Variants in SLC23A2 observed in about 807,000 individuals in gnomAD.
SLC23A2 encodes the protein solute carrier family 23 member 2.
Under a neutral mutation model 73.3 loss-of-function variants are expected in SLC23A2, and 36 were observed. That is an observed-to-expected ratio of 0.49 (90% CI 0.38 to 0.65). SLC23A2 has a LOEUF of 0.65. Ranked by LOEUF, SLC23A2 falls within the 30% of genes least tolerant of loss-of-function variation. The probability of loss-of-function intolerance (pLI) is 0.00; values close to 1 mark genes in which losing one functional copy is unlikely to be tolerated. For missense variants in SLC23A2, 507 were observed against 841.6 expected (o/e 0.60, Z 4.92); for synonymous variants, 343 against 327.3 (o/e 1.05, Z -0.52).
chr20:4,928,111 C>T (rs995381293), intron 3 of SLC23A2, among the ~76,000 whole-genome samples: 1 of 152,208 alleles, frequency 6.6e-6, no homozygotes, highest in African/African-American at 2.4e-5. Context: ...CAACTGCTAA[C>T]TCACTGCAGC....
intron 2 of SLC23A2, among the ~76,000 whole-genome samples, chr20:4,961,310 CT>C (rs1166066253): frequency 5.3e-5 from 8 of 151,958 alleles, no homozygotes; most frequent in South Asian, 2.1e-4. Flanking sequence ...CTCGATCTCC[CT>C]GACCTCATGA....
chr20:4,989,188 G>C (rs1475352555), intron 1 of SLC23A2, among the ~76,000 whole-genome samples: 1 of 149,342 alleles, frequency 6.7e-6, no homozygotes, highest in South Asian at 2.1e-4. Context: ...GCAATGAGCC[G>C]AGATCGCTGC....
At chr20:4,983,647 A>T (rs1233023113) in intron 1 of SLC23A2, among the ~76,000 whole-genome samples, 5 of 87,406 alleles carry the variant, frequency 5.7e-5, no homozygotes, top group Non-Finnish European at 1.2e-4. Flanking sequence ...CTCCGTCTTT[A>T]AAAAAAAAAA....
intron 1 of SLC23A2, among the ~76,000 whole-genome samples, chr20:4,994,312 C>T (rs2087980912): frequency 6.6e-6 from 1 of 152,076 alleles, no homozygotes; most frequent in Admixed American, 6.6e-5. Flanking sequence ...TGCACATTTT[C>T]GGGGTCCACC....
At chr20:4,958,600 G>C (rs1174889686) in intron 2 of SLC23A2, among the ~76,000 whole-genome samples, 1 of 151,104 alleles carries the variant, frequency 6.6e-6, no homozygotes, top group African/African-American at 2.4e-5. Flanking sequence ...GCTAATTTTT[G>C]TATTTTTGGT....
intron 3 of SLC23A2, among the ~76,000 whole-genome samples, chr20:4,925,057 T>A (rs892696358): frequency 2.6e-5 from 4 of 152,076 alleles, no homozygotes; most frequent in African/African-American, 9.7e-5. Flanking sequence ...CAGTGGCATG[T>A]GCCATATTTC....
chr20:4,982,884 T>C (rs1600200892), intron 1 of SLC23A2, among the ~76,000 whole-genome samples: 1 of 152,042 alleles, frequency 6.6e-6, no homozygotes, highest in Non-Finnish European at 1.5e-5. Flanking sequence ...GGCAGGCAGA[T>C]CACCTGAGGT....
Position 4,855,280 on chromosome 20 carries a change from G to A in SLC23A2, c.*1692C>T, listed in dbSNP as rs1431190600. On this transcript the variant is annotated 3_prime_UTR_variant, in exon 17 of 17. Coordinates refer to ENST00000338244, the MANE Select transcript of SLC23A2 (RefSeq NM_005116.6). ...AGCACTGGAGAGCTGAGCCAGCCTG[G>A]GGCCGAGGGGGACAGGAATGCACCG... The A allele has an allele frequency of 2.0e-5, 3 of 152,284 alleles. No individual in the cohort carries two copies. The highest frequency in any genetic ancestry group is 2.9e-5 in the Non-Finnish European group (2 of 68,102). 9.4% of individuals were successfully genotyped at this position (152,284 alleles called of 1,614,324 possible). A position where few individuals can be genotyped will look rare whatever the true frequency, so the allele number is the denominator to read the frequency against.
intron 2 of SLC23A2, among the ~76,000 whole-genome samples, chr20:4,966,012 G>A (rs969950593): frequency 6.6e-6 from 1 of 150,812 alleles, no homozygotes; most frequent in African/African-American, 2.4e-5. Context: ...AGGCTGCGGT[G>A]AGCTATAATC....
At chr20:4,959,533 T>G (rs1192002477) in intron 2 of SLC23A2, among the ~76,000 whole-genome samples, 2 of 152,208 alleles carry the variant, frequency 1.3e-5, no homozygotes, top group Admixed American at 6.5e-5. Context: ...GGTCTCACTC[T>G]GCTACCCAGA....
At chr20:4,913,645 G>C (rs1170573365) in intron 3 of SLC23A2, among the ~76,000 whole-genome samples, 1 of 151,732 alleles carries the variant, frequency 6.6e-6, no homozygotes, top group African/African-American at 2.4e-5. Flanking sequence ...TTTTGTTTTT[G>C]AGACGATGTC....
intron 1 of SLC23A2, among the ~76,000 whole-genome samples, chr20:4,975,623 C>CA (rs2087632336): frequency 6.6e-6 from 1 of 151,946 alleles, no homozygotes; most frequent in East Asian, 1.9e-4. Context: ...TCAAGTGATC[C>CA]ACCTGTCTTG....
intron 2 of SLC23A2, among the ~76,000 whole-genome samples, chr20:4,935,828 A>AT (rs1176763897): frequency 6.6e-5 from 10 of 152,238 alleles, no homozygotes; most frequent in African/African-American, 1.4e-4. Context: ...AGTTAAAAAA[A>AT]ATATATATCT....
intron 2 of SLC23A2, among the ~76,000 whole-genome samples, chr20:4,944,381 G>A (rs1268152324): frequency 1.3e-5 from 2 of 152,112 alleles, no homozygotes; most frequent in African/African-American, 4.8e-5. Context: ...TGGGATTACA[G>A]GTGTGCCCCA....
At chr20:4,937,737 TGCTCAGCTTACA>T (rs1237790818) in intron 2 of SLC23A2, among the ~76,000 whole-genome samples, 1 of 152,188 alleles carries the variant, frequency 6.6e-6, no homozygotes, top group East Asian at 1.9e-4. Context: ...GCCCTTTAAA[TGCTCAGCTTACA>T]GCTGTTTTCC....
At chr20:4,876,526 C>T (rs550745913) in intron 9 of SLC23A2, among the ~76,000 whole-genome samples, 8 of 152,314 alleles carry the variant, frequency 5.3e-5, no homozygotes, top group South Asian at 4.1e-4. Flanking sequence ...GGTGCAGACC[C>T]GCCCATGTCC....
intron 6 of SLC23A2, among the ~76,000 whole-genome samples, chr20:4,897,774 C>A (rs752629987): frequency 1.3e-5 from 2 of 152,202 alleles, no homozygotes; most frequent in African/African-American, 2.4e-5. Flanking sequence ...GCTGGCCAGG[C>A]CTGGCCTCCT....
chr20:4,968,669 T>C (rs1301047951), intron 2 of SLC23A2, among the ~76,000 whole-genome samples: 1 of 151,662 alleles, frequency 6.6e-6, no homozygotes, highest in Non-Finnish European at 1.5e-5. Context: ...CCTTCAGAAC[T>C]AAGAAAACAG....
chr20:4,924,334 G>A lies in SLC23A2; in HGVS notation c.108+8121C>T, dbSNP rs62200389. ...AGTTTCTCCTGACATACTTTTCAAC[G>A]CCTGGAATGGGTGTCTCTTTCTGAA... On this transcript the variant is annotated intron_variant, in intron 3 of 16. Coordinates refer to ENST00000338244, the MANE Select transcript of SLC23A2 (RefSeq NM_005116.6). 3.8e-3 allele frequency among the ~76,000 whole-genome samples: 584 copies of A among 152,156 alleles called. 2 individuals carry two copies. The highest frequency in any genetic ancestry group is 5.2e-3 in the Non-Finnish European group (356 of 68,006).
Sources: gnomAD v4.1 joint callset for allele counts (sites outside exome capture counted in the v4.1 genomes callset) on GRCh38, gnomAD v4.1.1 for gene constraint, MANE v1.5 for transcripts, NCBI Gene and HGNC (gene_info 2026-07-23, HGNC 2026-07-21) for gene names.